Variants in HMCN1 observed in about 807,000 individuals in gnomAD.
HMCN1 encodes hemicentin 1, also known as hemicentin-1.
HMCN1 carries 321 observed loss-of-function variants against 625.9 expected under a neutral mutation model. The observed-to-expected ratio is 0.51, with a 90% confidence interval of 0.47 to 0.56. The LOEUF is 0.56. Ranked by LOEUF, HMCN1 falls within the 20% of genes least tolerant of loss-of-function variation. HMCN1 has a pLI of 0.00. For synonymous variants in HMCN1, 2,425 were observed against 2,417.6 expected (o/e 1.00, Z -0.09); for missense variants, 6,588 against 6,887.3 (o/e 0.96, Z 1.54).
At chr1:185,859,687 G>A (rs1038254394) in intron 2 of HMCN1, among the ~76,000 whole-genome samples, 17 of 151,866 alleles carry the variant, frequency 1.1e-4, no homozygotes, top group African/African-American at 4.1e-4. Context: ...ATTTTGAAAT[G>A]GAGTCTCGCT....
Position 186,182,346 on chromosome 1 carries a change from T to G in HMCN1, c.16414+59T>G, listed in dbSNP as rs564930640. On this transcript the variant is annotated intron_variant, in intron 105 of 106. Coordinates refer to ENST00000271588, the MANE Select transcript of HMCN1 (RefSeq NM_031935.3). ...CTTGACTAAAAACCAACAGAGAGTG[T>G]GAGAAGTTTTTTTTCAATAATCATT... 225 of 1,604,324 alleles carry G rather than the reference T, an allele frequency of 1.4e-4. 1 individual carries two copies. In the South Asian group the frequency reaches 1.5e-3, roughly 11 times the overall value.
intron 36 of HMCN1, 72 bp downstream of exon 36, chr1:186,023,225 A>T: frequency 1.5e-6 from 2 of 1,333,314 alleles, no homozygotes; most frequent in Non-Finnish European, 2.1e-6. Context: ...GCTCATTTTT[A>T]TTGAATTACA....
chr1:186,114,158 A>T (rs757583591), intron 73 of HMCN1, 35 bp downstream of exon 73: 2 of 1,611,658 alleles, frequency 1.2e-6, no homozygotes, highest in Non-Finnish European at 1.7e-6. Context: ...ATGCTATAAG[A>T]CCTGAAATAC....
chr1:186,080,353 A>T (rs772259538), intron 55 of HMCN1, among the ~76,000 whole-genome samples: 29 of 152,208 alleles, frequency 1.9e-4, no homozygotes, highest in Non-Finnish European at 3.8e-4. Flanking sequence ...TGGGGGGGAA[A>T]TAAGCTTTCA....
At chr1:186,065,199 T>C (rs1261111120) in intron 48 of HMCN1, 39 bp from the exon 49 acceptor site, 19 of 1,533,118 alleles carry the variant, frequency 1.2e-5, no homozygotes, top group African/African-American at 9.5e-5. Flanking sequence ...ATTCTATACA[T>C]GTAATTATTA....
intron 4 of HMCN1, among the ~76,000 whole-genome samples, chr1:185,888,252 G>A (rs1664801944): frequency 8.6e-6 from 1 of 116,196 alleles, no homozygotes; most frequent in East Asian, 2.2e-4. Flanking sequence ...CTCCCATTTT[G>A]TAGGTTGCCT....
chr1:186,117,649 A>G (rs780265626), intron 77 of HMCN1, 26 bp downstream of exon 77: 8 of 1,602,342 alleles, frequency 5.0e-6, no homozygotes, highest in Non-Finnish European at 6.8e-6. Context: ...GTGATTTCAC[A>G]TCTATTGATT....
At chr1:185,879,387 G>T (rs1664153921) in intron 4 of HMCN1, among the ~76,000 whole-genome samples, 1 of 152,050 alleles carries the variant, frequency 6.6e-6, no homozygotes, top group Non-Finnish European at 1.5e-5. Context: ...GCCCAGGCTG[G>T]TTTCAAACTC....
In HMCN1 at chr1:186,190,762, C is replaced by G. The variant is rs753718697; in HGVS notation, c.*884C>G. 9.7e-5 allele frequency: 19 copies of G among 196,378 alleles called. No homozygotes were observed. The highest frequency in any genetic ancestry group is 1.7e-4 in the Non-Finnish European group (16 of 94,488). 12.2% of individuals were successfully genotyped at this position (196,378 alleles called of 1,614,324 possible). ...AACATAAATATTACACGTCAATACACTGTACATGGTGGTAATAGACTCTAA... is the reference window on the plus strand; with the variant it reads ...AACATAAATATTACACGTCAATACAGTGTACATGGTGGTAATAGACTCTAA... On this transcript the variant is annotated 3_prime_UTR_variant, in exon 107 of 107. Coordinates refer to ENST00000271588, the MANE Select transcript of HMCN1 (RefSeq NM_031935.3).
chr1:185,953,857 AAG>A (rs1319221432), intron 11 of HMCN1, among the ~76,000 whole-genome samples: 2 of 151,410 alleles, frequency 1.3e-5, no homozygotes, highest in South Asian at 2.1e-4. Flanking sequence ...TGAGTCCGAA[AAG>A]AGAGTCAGCA....
At position 186,125,765 on chromosome 1, in the gene HMCN1, T is replaced by C. The variant is rs201495692; in HGVS notation, c.12661T>C (p.Tyr4221His). 6.8e-6 allele frequency: 11 copies of C among 1,613,174 alleles called. No homozygotes were observed. In the East Asian group the frequency reaches 8.9e-5, roughly 13 times the overall value. ...GTTAGGAAAATACACTGCTGAACCA[T>C]ATGGAGAACTCATTTTAGAAAATGT... ...NLLGKYTAEP[Y>H]GELILENVVL... The change falls in exon 82 of 107, where the codon TAT (tyrosine) becomes CAT (histidine). Residue 4221 changes from tyrosine (Y) to histidine (H), a missense_variant. This residue lies in a region of HMCN1 where 1,954 missense variants were observed against 2,013.1 expected (regional missense o/e 0.97). Transcript: ENST00000271588.
At chr1:185,771,226 A>C (rs1656220090) in intron 1 of HMCN1, among the ~76,000 whole-genome samples, 1 of 152,226 alleles carries the variant, frequency 6.6e-6, no homozygotes, top group Admixed American at 6.6e-5. Context: ...CATCATGCCC[A>C]GCAGGCTAAT....
At chr1:185,993,906 C>A (rs866512659) in intron 23 of HMCN1, among the ~76,000 whole-genome samples, 22 of 152,064 alleles carry the variant, frequency 1.4e-4, no homozygotes, top group African/African-American at 5.3e-4. Flanking sequence ...TGATTTCACT[C>A]TCAGATGAAT....
chr1:185,894,772 A>T (rs181810567), intron 4 of HMCN1, among the ~76,000 whole-genome samples: 73 of 152,288 alleles, frequency 4.8e-4, no homozygotes, highest in Non-Finnish European at 7.6e-4. Context: ...ATTTTCTTTG[A>T]GAAATATGGT....
At chr1:185,752,291 C>T (rs1185387039) in intron 1 of HMCN1, among the ~76,000 whole-genome samples, 2 of 152,098 alleles carry the variant, frequency 1.3e-5, no homozygotes, top group Admixed American at 1.3e-4. Context: ...ACTGATAGGG[C>T]TCAGCTTTAT....
intron 1 of HMCN1, among the ~76,000 whole-genome samples, chr1:185,803,041 T>C (rs1658903816): frequency 6.6e-6 from 1 of 151,846 alleles, no homozygotes; most frequent in African/African-American, 2.4e-5. Flanking sequence ...TCTCTTTGGC[T>C]CCTAGAATCC....
rs1238963521 is a variant in HMCN1 at position 186,001,352 on chromosome 1, A to G, written c.4124A>G (p.Asn1375Ser). 6.2e-7 allele frequency: 1 copy of G among 1,611,994 alleles called. No individual in the cohort carries two copies. The change falls in exon 27 of 107, where the codon AAT (asparagine) becomes AGT (serine). Residue 1375 changes from asparagine to serine, a missense_variant. By Grantham distance (46) the Asn-to-Ser change is conservative. Transcript: ENST00000271588. ...EQVTNVSVLLNQLTNLFCEVE... is the reference protein window; with the variant it reads ...EQVTNVSVLLSQLTNLFCEVE... ...GTTACAAATGTGTCGGTGTTGTTAAATCAGCTGACCAATCTCTTCTGTGAA... is the reference window on the plus strand; with the variant it reads ...GTTACAAATGTGTCGGTGTTGTTAAGTCAGCTGACCAATCTCTTCTGTGAA...
At chr1:185,866,642 G>T (rs954566996) in intron 4 of HMCN1, among the ~76,000 whole-genome samples, 1 of 151,640 alleles carries the variant, frequency 6.6e-6, no homozygotes, top group Non-Finnish European at 1.5e-5. Context: ...TCCTGACCTC[G>T]TGATCCGCCC....
chr1:185,942,296 A>C (rs1461513046), intron 11 of HMCN1, among the ~76,000 whole-genome samples: 1 of 152,186 alleles, frequency 6.6e-6, no homozygotes. Context: ...CACTGTGGAC[A>C]TTTTAATTTT....
Sources: gnomAD v4.1 joint callset for allele counts (sites outside exome capture counted in the v4.1 genomes callset) on GRCh38, gnomAD v4.1.1 for gene constraint, gnomAD v4.1.1 regional missense constraint, MANE v1.5 for transcripts, NCBI Gene and HGNC (gene_info 2026-07-23, HGNC 2026-07-21) for gene names.